WASHC2A: variants seen among roughly 807,000 people sequenced by gnomAD.
WASHC2A encodes the protein WASH complex subunit FAM21A.
Under a neutral mutation model 140.3 loss-of-function variants are expected in WASHC2A, and 82 were observed. The observed-to-expected ratio is 0.58, with a 90% CI of 0.49 to 0.70. The LOEUF (loss-of-function observed/expected upper bound fraction) is 0.70, where lower values mean the gene tolerates loss of function less well. WASHC2A is among the 30% of genes least tolerant of loss of function. WASHC2A has a pLI of 0.00. For missense variants in WASHC2A, 985 were observed against 1,521.8 expected (o/e 0.65, Z 5.87); for synonymous variants, 340 against 560.8 (o/e 0.61, Z 5.56).
intron 19 of WASHC2A, among the ~76,000 whole-genome samples, chr10:50,109,215 A>T (rs1202429463): frequency 2.6e-5 from 4 of 152,214 alleles, no homozygotes; most frequent in African/African-American, 9.6e-5. Flanking sequence ...TAGAGCACTT[A>T]TGCAAGTGCT....
chr10:50,095,923 C>T, intron 15 of WASHC2A, 145 bp downstream of exon 15: 1 of 896,270 alleles, frequency 1.1e-6, no homozygotes, highest in Non-Finnish European at 1.7e-6. Context: ...TGTGTCTGTA[C>T]TTACATAGGT....
chr10:50,070,646 A>G (rs1837716601), intron 3 of WASHC2A, among the ~76,000 whole-genome samples: 1 of 144,956 alleles, frequency 6.9e-6, no homozygotes, highest in East Asian at 1.9e-4. Context: ...GGAGAGCTAT[A>G]TATAAAATAA....
chr10:50,129,341 G>A, intron 28 of WASHC2A, 78 bp from the exon 29 acceptor site: 2 of 1,611,426 alleles, frequency 1.2e-6, no homozygotes, highest in South Asian at 1.1e-5. Flanking sequence ...AATATTTTGA[G>A]TCACTGATTC....
chr10:50,079,681 G>A (rs1838720194), intron 4 of WASHC2A, among the ~76,000 whole-genome samples: 2 of 152,256 alleles, frequency 1.3e-5, no homozygotes, highest in South Asian at 4.1e-4. Flanking sequence ...TTACAGGCGT[G>A]AGCTACTGTG....
chr10:50,072,653 AT>A (rs540143262), intron 3 of WASHC2A, among the ~76,000 whole-genome samples: 3 of 151,050 alleles, frequency 2.0e-5, no homozygotes, highest in African/African-American at 4.9e-5. Flanking sequence ...CACCTGGCTA[AT>A]TTTTTTTGCA....
intron 20 of WASHC2A, chr10:50,112,215 CTG>C (rs1842351234): frequency 1.0e-6 from 1 of 976,550 alleles, no homozygotes; most frequent in East Asian, 1.2e-4. Context: ...ATCTGGCAGT[CTG>C]AACCCCATCT....
intron 19 of WASHC2A, among the ~76,000 whole-genome samples, chr10:50,109,128 C>T (rs1206668902): frequency 6.6e-4 from 101 of 152,138 alleles, no homozygotes; most frequent in African/African-American, 2.0e-3. Flanking sequence ...AAAATAGGCG[C>T]GGGGCCTGAA....
intron 8 of WASHC2A, among the ~76,000 whole-genome samples, chr10:50,090,515 A>AAAATATATATATATTTATATAT (rs1214596899): frequency 2.8e-5 from 3 of 108,766 alleles, no homozygotes; most frequent in Non-Finnish European, 3.7e-5. Flanking sequence ...AAAAAAAAAA[A>AAAATATATATATATTTATATAT]ATATATATAT....
chr10:50,099,531 G>A (rs1426022050), intron 16 of WASHC2A, among the ~76,000 whole-genome samples: 172 of 151,304 alleles, frequency 1.1e-3, no homozygotes, highest in Non-Finnish European at 2.1e-3. Flanking sequence ...TGTGTCCCCA[G>A]CAGTCTTTAA....
chr10:50,127,475 T>G, intron 27 of WASHC2A, 108 bp from the exon 28 acceptor site: 4 of 1,610,848 alleles, frequency 2.5e-6, no homozygotes, highest in Non-Finnish European at 3.4e-6. Context: ...GTTTCTCTAC[T>G]CCTCTCGTAT....
At position 50,110,103 on chromosome 10, in the gene WASHC2A, C is replaced by G; in HGVS notation, c.1872C>G (p.Asp624Glu). ...TAATATATATTTTATGTTTTAAGGA[C>G]CAGTGGAATATTCCTGCTTCACAGA... ...SALLFSSDEE[D>E]QWNIPASQTH... Residue 624 changes from aspartate (D) to glutamate (E), a missense_variant and splice_region_variant, in exon 20 of 31, where the codon GAC becomes GAG. By Grantham distance (45) the Asp-to-Glu change is conservative. Transcript: ENST00000282633. 2 of 1,609,180 alleles carry G rather than the reference C, an allele frequency of 1.2e-6. No homozygotes were observed. The highest frequency in any genetic ancestry group is 1.7e-6 in the Non-Finnish European group (2 of 1,178,468).
At chr10:50,121,892 T>C (rs1437394662) in intron 23 of WASHC2A, among the ~76,000 whole-genome samples, 1 of 147,180 alleles carries the variant, frequency 6.8e-6, no homozygotes, top group Non-Finnish European at 1.5e-5. Context: ...CTCGTGTTTA[T>C]GGACCAGAAA....
intron 19 of WASHC2A, 125 bp from the exon 20 acceptor site, chr10:50,109,976 T>G (rs1480031508): frequency 2.6e-6 from 3 of 1,146,560 alleles, no homozygotes; most frequent in Non-Finnish European, 3.7e-6. Flanking sequence ...TTCACCATGT[T>G]AGCAAGGATG....
At chr10:50,087,519 T>C (rs1231992692) in intron 8 of WASHC2A, among the ~76,000 whole-genome samples, 197 bp downstream of exon 8, 1 of 152,052 alleles carries the variant, frequency 6.6e-6, no homozygotes, top group East Asian at 1.9e-4. Flanking sequence ...CTTTATAGTT[T>C]ATTTTTCTTA....
Position 50,131,004 on chromosome 10 carries a change from C to T in WASHC2A, c.3812C>T (p.Ala1271Val). The change falls in exon 30 of 31, where the codon GCT becomes GTT. Residue 1271 changes from alanine (A) to valine (V), a missense_variant. Transcript: ENST00000282633. Reference protein sequence around the residue: ...NLFDDNIDIFADLTVKPKEKS... With the variant: ...NLFDDNIDIFVDLTVKPKEKS... ...TTTGATGATAACATTGATATCTTTG[C>T]TGACTTAACTGTAAAACCAAAAGAA... The T allele has an allele frequency of 1.9e-6, 3 of 1,610,388 alleles. No homozygotes were observed. The highest frequency in any genetic ancestry group is 2.5e-6 in the Non-Finnish European group (3 of 1,178,852).
At chr10:50,095,347 G>A (rs1173944812) in intron 14 of WASHC2A, 140 bp downstream of exon 14, 2 of 940,648 alleles carry the variant, frequency 2.1e-6, no homozygotes, top group Non-Finnish European at 3.2e-6. Flanking sequence ...TATAGAAAGA[G>A]CTCATTTACT....
chr10:50,093,108 A>C (rs1406949397), intron 11 of WASHC2A, among the ~76,000 whole-genome samples, 160 bp from the exon 12 acceptor site: 1 of 104,398 alleles, frequency 9.6e-6, no homozygotes, highest in Non-Finnish European at 2.2e-5. Flanking sequence ...GGACTGTGCC[A>C]GGGGTTTAGT....
At chr10:50,101,662 T>C (rs1841192139) in intron 17 of WASHC2A, among the ~76,000 whole-genome samples, 1 of 152,282 alleles carries the variant, frequency 6.6e-6, no homozygotes, top group Admixed American at 6.5e-5. Flanking sequence ...ACTTACGAGA[T>C]GTTCTGGTTA....
At chr10:50,092,871 A>G (rs1177775919) in intron 11 of WASHC2A, among the ~76,000 whole-genome samples, 4 of 152,132 alleles carry the variant, frequency 2.6e-5, no homozygotes, top group Admixed American at 2.6e-4. Context: ...AGCCATGTCC[A>G]TTACATTAGA....
Sources: gnomAD v4.1 joint callset for allele counts (sites outside exome capture counted in the v4.1 genomes callset) on GRCh38, gnomAD v4.1.1 for gene constraint, MANE v1.5 for transcripts, NCBI Gene and HGNC (gene_info 2026-07-23, HGNC 2026-07-21) for gene names.